The following MAST4 variants were observed in gnomAD, a reference collection of about 807,000 sequenced individuals.
MAST4 encodes the protein microtubule associated serine/threonine kinase family member 4.
MAST4 carries 89 observed loss-of-function variants against 162.7 expected under a neutral mutation model. The ratio of observed to expected loss-of-function variants is 0.55; its 90% CI spans 0.46 to 0.65. MAST4 has a LOEUF of 0.65. Ranked by LOEUF, MAST4 falls within the 30% of genes least tolerant of loss-of-function variation. MAST4 has a pLI of 0.00. For missense variants in MAST4, 3,153 were observed against 3,374.0 expected (o/e 0.93, Z 1.62); for synonymous variants, 1,479 against 1,361.1 (o/e 1.09, Z -1.91).
chr5:66,879,309 G>GATATAT (rs748056195), intron 3 of MAST4, among the ~76,000 whole-genome samples: 4 of 146,790 alleles, frequency 2.7e-5, no homozygotes, highest in Admixed American at 6.9e-5. Flanking sequence ...AAATTGTACT[G>GATATAT]ATATATATAT....
intron 1 of MAST4, among the ~76,000 whole-genome samples, chr5:66,635,261 C>G (rs916083021): frequency 6.6e-6 from 1 of 152,090 alleles, no homozygotes; most frequent in Non-Finnish European, 1.5e-5. Flanking sequence ...AAGTTTCTAT[C>G]GGCAGTTAAA....
At chr5:67,083,758 C>T (rs1274876640) in intron 5 of MAST4, among the ~76,000 whole-genome samples, 2 of 152,188 alleles carry the variant, frequency 1.3e-5, no homozygotes, top group South Asian at 2.1e-4. Flanking sequence ...ATATCTGTTA[C>T]AGTGGCTATG....
At chr5:67,064,940 T>G (rs1233372591) in intron 5 of MAST4, among the ~76,000 whole-genome samples, 1 of 152,196 alleles carries the variant, frequency 6.6e-6, no homozygotes, top group Non-Finnish European at 1.5e-5. Context: ...CAATTGGAAA[T>G]TAAAATAATT....
At chr5:66,846,897 G>GTATGA (rs1758893849) in intron 3 of MAST4, among the ~76,000 whole-genome samples, 1 of 152,076 alleles carries the variant, frequency 6.6e-6, no homozygotes, top group African/African-American at 2.4e-5. Context: ...CTATAACTTT[G>GTATGA]TATGACTTAA....
Position 66,597,402 on chromosome 5 carries a change from C to G in MAST4, c.363+384C>G, listed in dbSNP as rs115152520. ...TTGTTTCCCACCGAAGCGCTTGGGCCGAGGGGCAGGGAGTTGAGGGGGAGA... is the reference window on the plus strand; with the variant it reads ...TTGTTTCCCACCGAAGCGCTTGGGCGGAGGGGCAGGGAGTTGAGGGGGAGA... On this transcript the variant is annotated intron_variant, in intron 1 of 28. Transcript: ENST00000403625. Among the ~76,000 whole-genome samples the G allele has an allele frequency of 5.5e-3, 841 of 152,046 alleles. 5 individuals carry two copies. Among genetic ancestry groups the G allele is most frequent in the African/African-American group, 0.012 (485 of 41,488 alleles).
chr5:66,780,792 A>G (rs916567110), intron 2 of MAST4, among the ~76,000 whole-genome samples: 3 of 152,296 alleles, frequency 2.0e-5, no homozygotes, highest in Admixed American at 6.5e-5. Flanking sequence ...TCCTTTAGCT[A>G]GACCCAGAGT....
chr5:66,976,386 T>C (rs1199854877), intron 4 of MAST4, among the ~76,000 whole-genome samples: 1 of 152,212 alleles, frequency 6.6e-6, no homozygotes, highest in African/African-American at 2.4e-5. Flanking sequence ...GGCCTTCCTG[T>C]TCTCTAGTTT....
chr5:67,133,276 C>T lies in MAST4; in HGVS notation c.2094-238C>T, dbSNP rs945500041. 2.6e-5 allele frequency among the ~76,000 whole-genome samples: 4 copies of T among 151,886 alleles called. No homozygotes were observed. In the South Asian group the frequency reaches 8.3e-4, roughly 32 times the overall value. ...TTATAAATGATATTGTATGTGGCTGCTCCAACAAAGATTAGCTACACCTTG... is the reference window on the plus strand; with the variant it reads ...TTATAAATGATATTGTATGTGGCTGTTCCAACAAAGATTAGCTACACCTTG... On this transcript the variant is annotated intron_variant, in intron 16 of 28. Coordinates refer to ENST00000403625, the MANE Select transcript of MAST4 (RefSeq NM_001164664.2).
At chr5:67,115,890 T>G (rs967823260) in intron 12 of MAST4, among the ~76,000 whole-genome samples, 2 of 152,008 alleles carry the variant, frequency 1.3e-5, no homozygotes, top group African/African-American at 2.4e-5. Flanking sequence ...TTTTTTTTTA[T>G]GAAAATAGTT....
At chr5:66,691,224 GA>G (rs1359336146) in intron 1 of MAST4, among the ~76,000 whole-genome samples, 1 of 152,036 alleles carries the variant, frequency 6.6e-6, no homozygotes, top group African/African-American at 2.4e-5. Context: ...TTTTCTTTGG[GA>G]AAAATAGGGA....
chr5:66,735,064 G>A (rs910795843), intron 1 of MAST4, among the ~76,000 whole-genome samples: 1 of 152,246 alleles, frequency 6.6e-6, no homozygotes, highest in South Asian at 2.1e-4. Flanking sequence ...TAAATAACTT[G>A]TCATTCCTGT....
chr5:66,933,842 T>A (rs1561458009), intron 4 of MAST4, among the ~76,000 whole-genome samples: 1 of 152,186 alleles, frequency 6.6e-6, no homozygotes, highest in East Asian at 1.9e-4. Context: ...GTTTTTATTT[T>A]AATGATACTT....
chr5:66,770,364 G>T (rs773272727), intron 2 of MAST4, among the ~76,000 whole-genome samples: 2 of 152,126 alleles, frequency 1.3e-5, no homozygotes, highest in Admixed American at 1.3e-4. Context: ...AATGGGAGGC[G>T]CAGCTGTCAG....
chr5:66,886,961 G>A (rs548217179), intron 3 of MAST4, among the ~76,000 whole-genome samples: 17 of 152,046 alleles, frequency 1.1e-4, no homozygotes, highest in African/African-American at 3.9e-4. Context: ...TTTGAGGGAA[G>A]GATTCTGTCT....
intron 4 of MAST4, among the ~76,000 whole-genome samples, chr5:66,968,474 G>T (rs1339072699): frequency 1.3e-5 from 2 of 152,172 alleles, no homozygotes; most frequent in African/African-American, 4.8e-5. Context: ...ACTACTTCCA[G>T]AGAAGAATAT....
intron 4 of MAST4, among the ~76,000 whole-genome samples, chr5:66,934,378 G>A (rs1742490827): frequency 6.6e-6 from 1 of 152,008 alleles, no homozygotes; most frequent in African/African-American, 2.4e-5. Context: ...TTAGACCACT[G>A]ATCTTTTCTC....
intron 4 of MAST4, among the ~76,000 whole-genome samples, chr5:67,010,757 C>G (rs1391608086): frequency 9.2e-5 from 14 of 152,136 alleles, no homozygotes. Context: ...ACCCCCAGCA[C>G]TCCACAGAGA....
intron 3 of MAST4, among the ~76,000 whole-genome samples, chr5:66,864,897 G>A (rs1326479438): frequency 6.6e-6 from 1 of 152,176 alleles, no homozygotes; most frequent in East Asian, 1.9e-4. Context: ...GACACAGATG[G>A]CTTAGATGAG....
intron 3 of MAST4, among the ~76,000 whole-genome samples, chr5:66,896,247 A>T (rs460844): frequency 2.0e-5 from 3 of 151,778 alleles, no homozygotes; most frequent in Admixed American, 6.6e-5. Context: ...CTTTTTCACG[A>T]TTAGACTGGG....
Sources: gnomAD v4.1 joint callset for allele counts (sites outside exome capture counted in the v4.1 genomes callset) on GRCh38, gnomAD v4.1.1 for gene constraint, MANE v1.5 for transcripts, NCBI Gene and HGNC (gene_info 2026-07-23, HGNC 2026-07-21) for gene names.